Variants in SLC26A7 observed in about 807,000 individuals in gnomAD.
The protein encoded by SLC26A7 is solute carrier family 26 member 7.
SLC26A7 carries 59 observed loss-of-function variants against 82.5 expected under a neutral mutation model. That is an observed-to-expected ratio of 0.72 (90% CI 0.58 to 0.89). SLC26A7 has a LOEUF of 0.89. Ranked by LOEUF, SLC26A7 falls within the 40% of genes least tolerant of loss-of-function variation. The pLI, the probability that SLC26A7 is intolerant of heterozygous loss-of-function variation, is 0.00. For synonymous variants in SLC26A7, 271 were observed against 274.3 expected (o/e 0.99, Z 0.12); for missense variants, 820 against 793.0 (o/e 1.03, Z -0.41).
At chr8:91,375,416 G>T (rs181252774) in intron 15 of SLC26A7, among the ~76,000 whole-genome samples, 2 of 152,134 alleles carry the variant, frequency 1.3e-5, no homozygotes, top group East Asian at 3.9e-4. Flanking sequence ...AACATTTCTT[G>T]TAGGGTTGGT....
rs1044322626 is a variant in SLC26A7, at chr8:91,362,297, T to A, written c.1315-56T>A. ...ATGATTGTGAGGAACTTAGCAATAA[T>A]GAGAAGAAGTGAATTCCAAAGGATT... On this transcript the variant is annotated intron_variant, in intron 11 of 18. Transcript: ENST00000276609. 4 of 1,302,540 alleles carry A rather than the reference T, an allele frequency of 3.1e-6. No homozygotes were observed. The Admixed American group carries it at 7.2e-5, about 23-fold the overall frequency. 80.7% of individuals were successfully genotyped at this position (1,302,540 alleles called of 1,614,324 possible). A position where few individuals can be genotyped will look rare whatever the true frequency, so the allele number is the denominator to read the frequency against.
intron 4 of SLC26A7, among the ~76,000 whole-genome samples, chr8:91,315,389 T>G (rs748238687): frequency 8.6e-5 from 13 of 152,018 alleles, no homozygotes; most frequent in Middle Eastern, 3.4e-3. Flanking sequence ...GAATAATTGG[T>G]TCAATGTTTT....
At chr8:91,372,123 C>G (rs1267100437) in intron 15 of SLC26A7, among the ~76,000 whole-genome samples, 1 of 151,830 alleles carries the variant, frequency 6.6e-6, no homozygotes, top group Non-Finnish European at 1.5e-5. Context: ...CTTATAGATT[C>G]TAAATATTAG....
At chr8:91,306,483 A>G (rs530729217) in intron 4 of SLC26A7, among the ~76,000 whole-genome samples, 12 of 152,284 alleles carry the variant, frequency 7.9e-5, no homozygotes, top group African/African-American at 2.9e-4. Flanking sequence ...GATTCTGTGG[A>G]ACAGGTGGAG....
At chr8:91,343,608 C>G in intron 9 of SLC26A7, 142 bp downstream of exon 9, 1 of 566,958 alleles carries the variant, frequency 1.8e-6, no homozygotes, top group Non-Finnish European at 3.0e-6. Flanking sequence ...TTAAGAAAGT[C>G]CTTCTCTCTC....
intron 4 of SLC26A7, among the ~76,000 whole-genome samples, chr8:91,309,988 A>T (rs1186227479): frequency 1.3e-5 from 2 of 152,142 alleles, no homozygotes; most frequent in African/African-American, 4.8e-5. Context: ...CTGAATATGC[A>T]TGGTTGGGCC....
chr8:91,333,829 A>G (rs1813163995), intron 5 of SLC26A7, among the ~76,000 whole-genome samples: 1 of 152,178 alleles, frequency 6.6e-6, no homozygotes, highest in Admixed American at 6.6e-5. Context: ...AATATTTTAT[A>G]TGAAGCCAAA....
At chr8:91,384,442 A>G (rs1166141049) in intron 15 of SLC26A7, among the ~76,000 whole-genome samples, 1 of 152,100 alleles carries the variant, frequency 6.6e-6, no homozygotes, top group Non-Finnish European at 1.5e-5. Context: ...CCATCTCAAC[A>G]TCCTTAAATT....
At chr8:91,239,402 ATATATATATGTATATG>A (rs59004669) in intron 2 of SLC26A7, among the ~76,000 whole-genome samples, 1,479 of 103,166 alleles carry the variant, frequency 0.014, 14 homozygotes, top group East Asian at 0.062. Context: ...AAAAATATAT[ATATATATATGTATATG>A]TATATATATG....
intron 2 of SLC26A7, among the ~76,000 whole-genome samples, chr8:91,236,137 T>G (rs1810389795): frequency 6.6e-6 from 1 of 152,218 alleles, no homozygotes. Context: ...TATATCTTAA[T>G]TTGTGTTTTG....
intron 9 of SLC26A7, among the ~76,000 whole-genome samples, chr8:91,349,855 A>G (rs1281525775): frequency 6.6e-6 from 1 of 152,170 alleles, no homozygotes; most frequent in East Asian, 1.9e-4. Flanking sequence ...TCATGTAAAC[A>G]TGGAATTACT....
chr8:91,216,704 T>G (rs1810054211), intron 1 of SLC26A7, among the ~76,000 whole-genome samples: 1 of 152,274 alleles, frequency 6.6e-6, no homozygotes, highest in East Asian at 1.9e-4. Flanking sequence ...ATTTCATCAC[T>G]TAATCATTAT....
At chr8:91,316,451 ATTTTTTTTTTTTTT>A (rs58981485) in intron 4 of SLC26A7, among the ~76,000 whole-genome samples, 13 of 34,422 alleles carry the variant, frequency 3.8e-4, no homozygotes, top group Admixed American at 1.4e-3. Context: ...CTCAACACTA[ATTTTTTTTTTTTTT>A]TTTTTTTTTT....
At chr8:91,356,036 T>C (rs1489654548) in intron 11 of SLC26A7, among the ~76,000 whole-genome samples, 5 of 151,910 alleles carry the variant, frequency 3.3e-5, no homozygotes, top group Admixed American at 2.6e-4. Flanking sequence ...GTTTCATCCA[T>C]GTCCCTACAA....
At chr8:91,369,934 T>G in intron 15 of SLC26A7, 101 bp downstream of exon 15, 1 of 871,634 alleles carries the variant, frequency 1.1e-6, no homozygotes, top group Non-Finnish European at 1.8e-6. Flanking sequence ...TGCCTCCCTC[T>G]TCTGTTCTTC....
intron 4 of SLC26A7, among the ~76,000 whole-genome samples, chr8:91,313,415 A>G (rs966150557): frequency 6.6e-6 from 1 of 152,136 alleles, no homozygotes; most frequent in Admixed American, 6.6e-5. Flanking sequence ...GGAAGTATGA[A>G]TCCTTCAGCT....
In SLC26A7 at chr8:91,342,039, C is replaced by T. The variant is rs547616780; in HGVS notation, c.1027-1314C>T. The stretch of plus-strand genomic sequence containing the variant: ...ACCTCCTGGGCTCAAATCATCCTCC[C>T]GCCTTAGCCTCCCCAGTAGCTGAGA... On this transcript the variant is annotated intron_variant, in intron 8 of 18. Coordinates refer to ENST00000276609, the MANE Select transcript of SLC26A7 (RefSeq NM_052832.4). Among the ~76,000 whole-genome samples, 155 of 152,146 alleles carry T rather than the reference C, an allele frequency of 1.0e-3. 1 individual carries two copies. The South Asian group carries it at 0.016, about 16-fold the overall frequency.
At chr8:91,262,406 C>T (rs1353994546) in intron 2 of SLC26A7, among the ~76,000 whole-genome samples, 2 of 151,996 alleles carry the variant, frequency 1.3e-5, no homozygotes, top group East Asian at 1.9e-4. Context: ...AGGAAGCCAA[C>T]AGCAATGATA....
intron 11 of SLC26A7, among the ~76,000 whole-genome samples, chr8:91,360,200 G>A (rs1563698762): frequency 6.6e-6 from 1 of 152,080 alleles, no homozygotes; most frequent in African/African-American, 2.4e-5. Context: ...AGATAGGCTG[G>A]GGGAAATGAG....
Sources: gnomAD v4.1 joint callset for allele counts (sites outside exome capture counted in the v4.1 genomes callset) on GRCh38, gnomAD v4.1.1 for gene constraint, MANE v1.5 for transcripts, NCBI Gene and HGNC (gene_info 2026-07-23, HGNC 2026-07-21) for gene names.